ASIC2: variants seen among roughly 807,000 people sequenced by gnomAD.
The protein encoded by ASIC2 is acid sensing ion channel subunit 2.
Under a neutral mutation model 57.3 loss-of-function variants are expected in ASIC2, and 25 were observed. That is an observed-to-expected ratio of 0.44 (90% CI 0.32 to 0.61). The LOEUF (loss-of-function observed/expected upper bound fraction) is 0.61. Among genes scored for constraint, ASIC2 ranks in the 20% least tolerant of loss-of-function variants. The pLI is 0.06. For missense variants in ASIC2, 641 were observed against 738.1 expected (o/e 0.87, Z 1.52); for synonymous variants, 319 against 307.5 (o/e 1.04, Z -0.39).
intron 1 of ASIC2, among the ~76,000 whole-genome samples, chr17:34,081,528 T>C (rs1006138904): frequency 1.3e-5 from 2 of 152,278 alleles, no homozygotes; most frequent in Non-Finnish European, 1.5e-5. Flanking sequence ...ACAATATTAT[T>C]GGGCCCTTGG....
At chr17:33,499,736 T>A (rs1006153792) in intron 1 of ASIC2, among the ~76,000 whole-genome samples, 4 of 152,254 alleles carry the variant, frequency 2.6e-5, no homozygotes, top group Non-Finnish European at 5.9e-5. Context: ...CACGTAACTT[T>A]TGCAGGTGTC....
chr17:33,412,630 G>GT (rs1910703623), intron 1 of ASIC2, among the ~76,000 whole-genome samples: 1 of 152,168 alleles, frequency 6.6e-6, no homozygotes, highest in Non-Finnish European at 1.5e-5. Flanking sequence ...AATGTTCTCT[G>GT]TTTTTTCTGT....
At chr17:34,010,073 T>TTGAG (rs1906659494) in intron 1 of ASIC2, among the ~76,000 whole-genome samples, 1 of 152,192 alleles carries the variant, frequency 6.6e-6, no homozygotes, top group Non-Finnish European at 1.5e-5. Context: ...ACACATGAGT[T>TTGAG]TGAGCACCAG....
intron 1 of ASIC2, among the ~76,000 whole-genome samples, chr17:33,202,954 C>T (rs1022342846): frequency 6.6e-6 from 1 of 152,218 alleles, no homozygotes; most frequent in Non-Finnish European, 1.5e-5. Context: ...ACTCACTCCT[C>T]TGCGTCCTGC....
chr17:33,266,421 A>C (rs906763306), intron 1 of ASIC2, among the ~76,000 whole-genome samples: 2 of 152,220 alleles, frequency 1.3e-5, no homozygotes, highest in African/African-American at 4.8e-5. Flanking sequence ...TGAATGAAAA[A>C]CAACAGATTC....
At chr17:34,037,953 C>T (rs1269063842) in intron 1 of ASIC2, 2 of 1,613,774 alleles carry the variant, frequency 1.2e-6, no homozygotes, top group African/African-American at 2.7e-5. Flanking sequence ...GACCACACAT[C>T]AACTTTATTT....
upstream of ASIC2, among the ~76,000 whole-genome samples, chr17:33,297,870 T>A (rs1017729998): frequency 1.7e-4 from 23 of 138,268 alleles, no homozygotes; most frequent in South Asian, 2.7e-3. Context: ...AAATAAATAA[T>A]AAAGTTTATT....
intron 1 of ASIC2, among the ~76,000 whole-genome samples, chr17:33,543,440 G>C (rs1321804628): frequency 6.6e-6 from 1 of 152,134 alleles, no homozygotes; most frequent in Non-Finnish European, 1.5e-5. Context: ...AGAAGTAACA[G>C]TGAAAGCTTG....
intron 1 of ASIC2, among the ~76,000 whole-genome samples, chr17:33,939,759 G>T (rs188394235): frequency 7.9e-5 from 12 of 152,202 alleles, no homozygotes; most frequent in African/African-American, 2.7e-4. Context: ...TGTTGCCCAC[G>T]GCAGAGCAGG....
intron 1 of ASIC2, among the ~76,000 whole-genome samples, chr17:33,220,601 A>T (rs1567788893): frequency 6.6e-6 from 1 of 152,298 alleles, no homozygotes; most frequent in African/African-American, 2.4e-5. Context: ...AAAAATATAT[A>T]ACTGGGTAGA....
rs2091867598 is a variant in ASIC2, at chr17:33,028,359, G to A, written c.1021C>T (p.Arg341Ter). Residue 341 changes from arginine to a stop codon, truncating the protein, a stop_gained, in exon 4 of 10, where the codon CGA becomes TGA. Coordinates refer to ENST00000225823, the MANE Select transcript of ASIC2 (RefSeq NM_183377.2). LOFTEE classifies it high-confidence loss of function. ...TYLPPPWGEC[R>*]SSEMGLDFFP... ...AAGTCGAGGCCCATCTCTGAGGATC[G>A]GCACTCACCCCACGGTGGGGGCAGG... 1.2e-6 allele frequency: 2 copies of A among 1,614,136 alleles called. No individual in the cohort carries two copies. Among genetic ancestry groups the A allele is most frequent in the Non-Finnish European group, 1.7e-6 (2 of 1,180,022 alleles).
At chr17:33,475,373 T>C (rs1191168000) in intron 1 of ASIC2, among the ~76,000 whole-genome samples, 1 of 152,218 alleles carries the variant, frequency 6.6e-6, no homozygotes, top group East Asian at 1.9e-4. Flanking sequence ...TGTAACACTA[T>C]TTTGAAGTTA....
intron 1 of ASIC2, among the ~76,000 whole-genome samples, chr17:34,106,596 C>A (rs756652765): frequency 6.6e-6 from 1 of 152,092 alleles, no homozygotes; most frequent in African/African-American, 2.4e-5. Flanking sequence ...GTCTACCTAC[C>A]TAATGAATCT....
chr17:33,016,125 G>A, intron 8 of ASIC2, 86 bp from the exon 9 acceptor site: 3 of 1,335,244 alleles, frequency 2.2e-6, no homozygotes, highest in Non-Finnish European at 3.2e-6. Context: ...CCCCACTGGG[G>A]TGGCAGCTGC....
chr17:33,309,612 C>T (rs1170430399), intron 1 of ASIC2, among the ~76,000 whole-genome samples: 1 of 152,136 alleles, frequency 6.6e-6, no homozygotes, highest in Non-Finnish European at 1.5e-5. Flanking sequence ...CCTTCCTCCT[C>T]TCTTCTCCTA....
At chr17:33,634,854 A>G (rs1357379515) in intron 1 of ASIC2, 5 of 152,050 alleles carry the variant, frequency 3.3e-5, no homozygotes, top group Admixed American at 1.3e-4. Context: ...CGCCCGGACG[A>G]GAGAACTTTT....
chr17:33,907,753 C>A (rs1399209923), intron 1 of ASIC2, among the ~76,000 whole-genome samples: 1 of 152,172 alleles, frequency 6.6e-6, no homozygotes, highest in Non-Finnish European at 1.5e-5. Context: ...TTCATTGTAA[C>A]CCTGAATGCT....
intron 1 of ASIC2, among the ~76,000 whole-genome samples, chr17:33,513,883 A>C (rs761467824): frequency 6.6e-6 from 1 of 152,230 alleles, no homozygotes; most frequent in Non-Finnish European, 1.5e-5. Context: ...TGTTAGGCAC[A>C]GACCTGTGCC....
intron 1 of ASIC2, among the ~76,000 whole-genome samples, chr17:34,113,967 G>A (rs1911354851): frequency 6.6e-6 from 1 of 152,202 alleles, no homozygotes; most frequent in Non-Finnish European, 1.5e-5. Context: ...TTTAAAAGAT[G>A]AAGAGCTTGA....
Sources: gnomAD v4.1 joint callset for allele counts (sites outside exome capture counted in the v4.1 genomes callset) on GRCh38, gnomAD v4.1.1 for gene constraint, MANE v1.5 for transcripts, NCBI Gene and HGNC (gene_info 2026-07-23, HGNC 2026-07-21) for gene names.